MTA3: variants seen among roughly 807,000 people sequenced by gnomAD.
The protein encoded by MTA3 is metastasis-associated protein MTA3.
In MTA3, 34 loss-of-function variants were observed where a neutral mutation model predicts 83.5. The observed-to-expected ratio is 0.41, with a 90% confidence interval of 0.31 to 0.54. MTA3 has a LOEUF of 0.54. Ranked by LOEUF, MTA3 falls within the 20% of genes least tolerant of loss-of-function variation. The probability of loss-of-function intolerance (pLI) is 0.33; values close to 1 mark genes in which losing one functional copy is unlikely to be tolerated. For synonymous variants in MTA3, 303 were observed against 252.7 expected (o/e 1.20, Z -1.89); for missense variants, 761 against 726.4 (o/e 1.05, Z -0.55).
chr2:42,704,412 A>G, intron 12 of MTA3, 94 bp downstream of exon 12: 1 of 1,461,228 alleles, frequency 6.8e-7, no homozygotes. Flanking sequence ...AGTACGGTGC[A>G]CCTTGGAAGG....
At chr2:42,646,965 G>A (rs1349646017) in intron 6 of MTA3, among the ~76,000 whole-genome samples, 19 of 151,566 alleles carry the variant, frequency 1.3e-4, no homozygotes, top group Non-Finnish European at 1.0e-4. Context: ...GACCATCCTG[G>A]CTAACATGGT....
intron 4 of MTA3, among the ~76,000 whole-genome samples, chr2:42,635,349 C>G (rs965866013): frequency 6.6e-6 from 1 of 152,058 alleles, no homozygotes; most frequent in Non-Finnish European, 1.5e-5. Flanking sequence ...TAACTTGGGC[C>G]GGGCAAAGTG....
At chr2:42,521,021 C>CT (rs1675405090) in intron 2 of MTA3, among the ~76,000 whole-genome samples, 1 of 152,170 alleles carries the variant, frequency 6.6e-6, no homozygotes, top group Non-Finnish European at 1.5e-5. Flanking sequence ...CTGGGGCTTC[C>CT]TGTGGTAGGC....
intron 14 of MTA3, among the ~76,000 whole-genome samples, chr2:42,718,128 G>T (rs1049305680): frequency 7.0e-5 from 10 of 142,590 alleles, no homozygotes; most frequent in Admixed American, 2.9e-4. Flanking sequence ...ATTTCTAGGG[G>T]TTAACGAGTT....
chr2:42,539,242 G>A (rs1167810731), intron 2 of MTA3, among the ~76,000 whole-genome samples: 7 of 152,124 alleles, frequency 4.6e-5, no homozygotes, highest in African/African-American at 1.7e-4. Flanking sequence ...CCCGAGACTG[G>A]ATAATTTATA....
chr2:42,567,917 C>T (rs565629674), upstream of MTA3: 3 of 152,408 alleles, frequency 2.0e-5, no homozygotes, highest in South Asian at 2.1e-4. Context: ...CAGTGCCCGT[C>T]TAGAGCCAGG....
intron 2 of MTA3, among the ~76,000 whole-genome samples, chr2:42,536,858 C>CAAAAAA (rs71410118): frequency 0.012 from 990 of 84,110 alleles, 33 homozygotes; most frequent in African/African-American, 0.045. Context: ...GACCCCATCT[C>CAAAAAA]AAAAAAAAAA....
chr2:42,726,704 A>T (rs979918346), intron 16 of MTA3, among the ~76,000 whole-genome samples: 1 of 152,226 alleles, frequency 6.6e-6, no homozygotes, highest in African/African-American at 2.4e-5. Context: ...TAGAAAAAAA[A>T]GATGGACAGC....
intron 4 of MTA3, among the ~76,000 whole-genome samples, chr2:42,638,116 CT>C (rs1687358808): frequency 6.6e-6 from 1 of 151,922 alleles, no homozygotes; most frequent in Non-Finnish European, 1.5e-5. Flanking sequence ...GCAAATCTGA[CT>C]TTAGAGAACT....
intron 4 of MTA3, among the ~76,000 whole-genome samples, chr2:42,614,470 T>C (rs779795610): frequency 2.0e-5 from 3 of 152,222 alleles, no homozygotes; most frequent in Non-Finnish European, 2.9e-5. Flanking sequence ...ATCTTTTCAT[T>C]GTGCATTCAT....
At chr2:42,528,933 A>G (rs368519956) in intron 2 of MTA3, among the ~76,000 whole-genome samples, 1 of 152,172 alleles carries the variant, frequency 6.6e-6, no homozygotes, top group East Asian at 1.9e-4. Context: ...CGTTTGCCTT[A>G]TTTGAATAGG....
At chr2:42,748,360 G>A (rs555268383) in intron 16 of MTA3, among the ~76,000 whole-genome samples, 42 of 152,140 alleles carry the variant, frequency 2.8e-4, no homozygotes, top group Admixed American at 1.5e-3. Context: ...CACTGTGCCC[G>A]GCCTATTTTC....
At chr2:42,715,754 A>T (rs1355192087) in intron 14 of MTA3, among the ~76,000 whole-genome samples, 1 of 152,110 alleles carries the variant, frequency 6.6e-6, no homozygotes, top group African/African-American at 2.4e-5. Context: ...TTTGTTGATG[A>T]TAGCCATCAA....
intron 16 of MTA3, among the ~76,000 whole-genome samples, chr2:42,750,777 G>C (rs1669814637): frequency 6.6e-6 from 1 of 152,168 alleles, no homozygotes; most frequent in African/African-American, 2.4e-5. Context: ...GTGTCCCCTA[G>C]GCCTGAAACG....
chr2:42,501,275 C>T (rs866434198), intron 2 of MTA3, among the ~76,000 whole-genome samples: 7 of 152,242 alleles, frequency 4.6e-5, no homozygotes, highest in Non-Finnish European at 8.8e-5. Context: ...TACATAGATT[C>T]CTCTGGTCCT....
At chr2:42,538,315 G>A (rs1389364101) in intron 2 of MTA3, among the ~76,000 whole-genome samples, 1 of 152,016 alleles carries the variant, frequency 6.6e-6, no homozygotes, top group East Asian at 1.9e-4. Context: ...TTGGCCAATC[G>A]GTAAGTATGG....
rs979576014 is a variant in MTA3 at position 42,756,002 on chromosome 2, C to G, written c.*2603C>G. 3 of 985,418 alleles carry G rather than the reference C, an allele frequency of 3.0e-6. No homozygotes were observed. In the East Asian group the frequency reaches 3.4e-4, roughly 112 times the overall value. 61.0% of individuals were successfully genotyped at this position (985,418 alleles called of 1,614,324 possible). On this transcript the variant is annotated 3_prime_UTR_variant, in exon 17 of 17. Transcript: ENST00000405094. ...ATTCCCCTTGTGCACAGCCCAGTTT[C>G]CATCTCTCAGGGCCCACCCAGGAAA...
At position 42,756,749 on chromosome 2, in the gene MTA3, C is replaced by G. The variant is rs1166949774; in HGVS notation, c.*3350C>G. The G allele has an allele frequency of 4.1e-6, 4 of 985,378 alleles. No homozygotes were observed. The highest frequency in any genetic ancestry group is 2.4e-6 in the Non-Finnish European group (2 of 829,972). The allele number at this position is 985,378 out of a possible 1,614,324, so 61.0% of individuals were successfully genotyped here. ...AGGCCATGTCCCAGTTTTCTGTCCA[C>G]CCCTCCTGTTCCTCTGCACTATGTC... is the stretch of plus-strand genomic sequence containing the variant. On this transcript the variant is annotated 3_prime_UTR_variant, in exon 17 of 17. Coordinates refer to ENST00000405094, the MANE Select transcript of MTA3 (RefSeq NM_001330442.2).
chr2:42,532,534 A>T (rs1037166405), intron 2 of MTA3, among the ~76,000 whole-genome samples: 2 of 152,212 alleles, frequency 1.3e-5, no homozygotes, highest in African/African-American at 4.8e-5. Flanking sequence ...GAAAAAAAGT[A>T]TATCTGGCTG....
Sources: allele counts gnomAD v4.1 joint callset (sites outside exome capture counted in the v4.1 genomes callset), GRCh38; gene constraint gnomAD v4.1.1; transcripts MANE v1.5; gene names NCBI Gene and HGNC (gene_info 2026-07-23, HGNC 2026-07-21).